Variants in ZCCHC7 observed in about 807,000 individuals in gnomAD.
ZCCHC7 encodes zinc finger CCHC-type containing 7.
ZCCHC7 carries 35 observed loss-of-function variants against 52.0 expected under a neutral mutation model. That is an observed-to-expected ratio of 0.67 (90% CI 0.51 to 0.89). The LOEUF (loss-of-function observed/expected upper bound fraction) is 0.89, where lower values mean the gene tolerates loss of function less well. Ranked by LOEUF, ZCCHC7 falls within the 40% of genes least tolerant of loss-of-function variation. The pLI, the probability that ZCCHC7 is intolerant of heterozygous loss-of-function variation, is 0.00. For synonymous variants in ZCCHC7, 217 were observed against 221.5 expected, an observed-to-expected ratio of 0.98 and a Z score of 0.18; for missense variants, 574 against 649.1, an observed-to-expected ratio of 0.88 and a Z score of 1.26.
rs73448412 is a variant in ZCCHC7, at chr9:37,138,385, A to G, written c.610+11443A>G. On this transcript the variant is annotated intron_variant, in intron 2 of 8. Transcript: ENST00000336755. Reference sequence around the variant, plus strand: ...ATTTTAATAACATTTTGGAATGTTGATATTGTATATCACTAATTTCTGTGA... The same window carrying G: ...ATTTTAATAACATTTTGGAATGTTGGTATTGTATATCACTAATTTCTGTGA... 4.4e-3 allele frequency among the ~76,000 whole-genome samples: 663 copies of G among 152,300 alleles called. 3 individuals are homozygous for G. The highest frequency in any genetic ancestry group is 0.015 in the African/African-American group (633 of 41,578).
At chr9:37,288,081 C>A (rs1168413824) in intron 2 of ZCCHC7, among the ~76,000 whole-genome samples, 1 of 151,892 alleles carries the variant, frequency 6.6e-6, no homozygotes, top group African/African-American at 2.4e-5. Context: ...AAATTTGAGA[C>A]CAGCCTGGGC....
chr9:37,262,028 A>G (rs939903545), intron 2 of ZCCHC7, among the ~76,000 whole-genome samples: 1 of 152,116 alleles, frequency 6.6e-6, no homozygotes, highest in Non-Finnish European at 1.5e-5. Flanking sequence ...GAGTCTCCTC[A>G]TTGTAGAAAA....
intron 2 of ZCCHC7, among the ~76,000 whole-genome samples, chr9:37,198,652 T>A (rs573687587): frequency 6.6e-6 from 1 of 152,354 alleles, no homozygotes; most frequent in Non-Finnish European, 1.5e-5. Flanking sequence ...ATACTTATGT[T>A]GTCTTTGCCT....
chr9:37,334,918 G>A (rs1005878169), intron 6 of ZCCHC7, among the ~76,000 whole-genome samples: 7 of 152,008 alleles, frequency 4.6e-5, no homozygotes, highest in Admixed American at 1.3e-4. Context: ...TAAAGTGAGT[G>A]TTTAGAAATT....
intron 2 of ZCCHC7, among the ~76,000 whole-genome samples, chr9:37,270,550 C>T (rs1320976707): frequency 6.6e-6 from 1 of 151,792 alleles, no homozygotes; most frequent in East Asian, 1.9e-4. Context: ...ATTAGCTGGG[C>T]ACATTTCTGT....
At position 37,346,426 on chromosome 9, in the gene ZCCHC7, A is replaced by G. The variant is rs186872201; in HGVS notation, c.988-2931A>G. 3.5e-3 allele frequency among the ~76,000 whole-genome samples: 530 copies of G among 152,340 alleles called. 7 individuals are homozygous for G. Among genetic ancestry groups the G allele is most frequent in the Non-Finnish European group, 1.7e-3 (117 of 68,030 alleles). The stretch of plus-strand genomic sequence containing the variant: ...GCCTGGGCACGTTGGCTGTAATCTC[A>G]GTACTTTGGGAGGCGAAGGCAAGCA... On this transcript the variant is annotated intron_variant, in intron 6 of 8. Transcript: ENST00000336755.
At chr9:37,191,462 G>A (rs573837791) in intron 2 of ZCCHC7, among the ~76,000 whole-genome samples, 1 of 150,576 alleles carries the variant, frequency 6.6e-6, no homozygotes, top group Admixed American at 6.6e-5. Flanking sequence ...CTTTATTTTA[G>A]ATTCTTCACC....
At chr9:37,133,528 A>G (rs1439199917) in intron 2 of ZCCHC7, among the ~76,000 whole-genome samples, 1 of 151,932 alleles carries the variant, frequency 6.6e-6, no homozygotes, top group Non-Finnish European at 1.5e-5. Flanking sequence ...GGTACCTGCC[A>G]CCATGCTTGG....
intron 2 of ZCCHC7, among the ~76,000 whole-genome samples, chr9:37,181,941 T>C (rs1307611142): frequency 6.6e-6 from 1 of 152,208 alleles, no homozygotes; most frequent in East Asian, 1.9e-4. Context: ...CACTTCAGCT[T>C]CCCAAAGTGC....
intron 2 of ZCCHC7, among the ~76,000 whole-genome samples, chr9:37,164,807 C>G (rs772718384): frequency 6.6e-6 from 1 of 152,178 alleles, no homozygotes; most frequent in South Asian, 2.1e-4. Context: ...TTCAAGAGAT[C>G]TACTTGCCTT....
intron 2 of ZCCHC7, among the ~76,000 whole-genome samples, chr9:37,201,633 T>TAA (rs1380578178): frequency 4.6e-5 from 7 of 152,160 alleles, no homozygotes; most frequent in African/African-American, 1.7e-4. Flanking sequence ...CAGAGTTACT[T>TAA]TAAGAAGTGA....
At chr9:37,227,544 A>G (rs1031861657) in intron 2 of ZCCHC7, among the ~76,000 whole-genome samples, 4 of 152,196 alleles carry the variant, frequency 2.6e-5, no homozygotes, top group African/African-American at 7.2e-5. Context: ...AGTCTTTTCT[A>G]AATATATACC....
In ZCCHC7 at chr9:37,157,803, G is replaced by A. The variant is rs1820895085; in HGVS notation, c.610+30861G>A. Reference sequence around the variant, plus strand: ...AAGTAAAATGATAACAAATAGTGGTGAAGATGTGGAGATTGGGAACCTGTG... The same window carrying A: ...AAGTAAAATGATAACAAATAGTGGTAAAGATGTGGAGATTGGGAACCTGTG... On this transcript the variant is annotated intron_variant, in intron 2 of 8. Transcript: ENST00000336755. Among the ~76,000 whole-genome samples the A allele has an allele frequency of 3.9e-5, 6 of 152,356 alleles. No individual in the cohort carries two copies. In the South Asian group the frequency reaches 1.2e-3, roughly 32 times the overall value.
At chr9:37,336,866 C>A (rs550403759) in intron 6 of ZCCHC7, among the ~76,000 whole-genome samples, 1 of 152,194 alleles carries the variant, frequency 6.6e-6, no homozygotes, top group African/African-American at 2.4e-5. Flanking sequence ...AGCTTGTGGT[C>A]CTTCTCCATC....
chr9:37,286,404 A>G lies in ZCCHC7; in HGVS notation c.611-15784A>G, dbSNP rs117456485. Among the ~76,000 whole-genome samples, 592 of 152,308 alleles carry G rather than the reference A, an allele frequency of 3.9e-3. 3 individuals carry two copies. The highest frequency in any genetic ancestry group is 9.4e-3 in the Admixed American group (144 of 15,300). ...AGGCTGGGCATAGTGGCTTATGCCT[A>G]TAATTCCAGCACTTTGGGAGGCCAG... On this transcript the variant is annotated intron_variant, in intron 2 of 8. Coordinates refer to ENST00000336755, the MANE Select transcript of ZCCHC7 (RefSeq NM_032226.3).
At position 37,278,031 on chromosome 9, in the gene ZCCHC7, TG is replaced by T. The variant is rs1238111550; in HGVS notation, c.611-24156del. Among the ~76,000 whole-genome samples, 6 of 69,080 alleles carry T rather than the reference TG, an allele frequency of 8.7e-5. No homozygotes were observed. The South Asian group carries it at 2.4e-3, about 28-fold the overall frequency. The allele number at this position is 69,080 out of a possible 152,430, so 45.3% of individuals were successfully genotyped here. A position where few individuals can be genotyped will look rare whatever the true frequency, so the allele number is the denominator to read the frequency against. The stretch of plus-strand genomic sequence containing the variant: ...TTTTTTGTTTGTGTGTGTGTGTGTG[TG>T]TGTGTTTTGTTTTGTTTTGTTTTGT... On this transcript the variant is annotated intron_variant, in intron 2 of 8. Coordinates refer to ENST00000336755, the MANE Select transcript of ZCCHC7 (RefSeq NM_032226.3).
rs772508648 is a variant in ZCCHC7, at chr9:37,357,166, C to G, written c.1530C>G (p.Pro510=). Residue 510 remains proline, a synonymous_variant, in exon 9 of 9, where the codon CCC becomes CCG. Coordinates refer to ENST00000336755, the MANE Select transcript of ZCCHC7 (RefSeq NM_032226.3). ...ACACGTCAAGAGAAGACAAGTCTCC[C>G]AAGGAAGGCAAGAGGGGCAAGCAGA... is the stretch of plus-strand genomic sequence containing the variant. ...HYHTSREDKS[P]KEGKRGKQKK... 6.2e-7 allele frequency: 1 copy of G among 1,613,132 alleles called. No individual in the cohort carries two copies. Among genetic ancestry groups the G allele is most frequent in the South Asian group, 1.1e-5 (1 of 91,040 alleles).
intron 5 of ZCCHC7, among the ~76,000 whole-genome samples, chr9:37,318,104 C>CA: frequency 6.6e-6 from 1 of 151,804 alleles, no homozygotes; most frequent in African/African-American, 2.4e-5. Context: ...ATGTTTATAT[C>CA]AAAGTTGTTA....
At chr9:37,206,852 C>T (rs114747810) in intron 2 of ZCCHC7, among the ~76,000 whole-genome samples, 1,762 of 152,110 alleles carry the variant, frequency 0.012, 34 homozygotes, top group African/African-American at 0.04. Flanking sequence ...TCCAGGATCA[C>T]TATTCTGCCA....
Sources: allele counts gnomAD v4.1 joint callset (sites outside exome capture counted in the v4.1 genomes callset), GRCh38; gene constraint gnomAD v4.1.1; transcripts MANE v1.5; gene names NCBI Gene and HGNC (gene_info 2026-07-23, HGNC 2026-07-21).